The following UST variants were observed in gnomAD, a reference collection of about 807,000 sequenced individuals.
UST encodes the protein uronyl 2-sulfotransferase, also known as chondroitin sulfate 2-O-sulfotransferase.
In UST, 21 loss-of-function variants were observed where a neutral mutation model predicts 45.6. The ratio of observed to expected loss-of-function variants is 0.46; its 90% CI spans 0.33 to 0.66. UST has a LOEUF of 0.66. Ranked by LOEUF, UST falls within the 30% of genes least tolerant of loss-of-function variation. The pLI, the probability that UST is intolerant of heterozygous loss-of-function variation, is 0.02. For synonymous variants in UST, 215 were observed against 200.6 expected (o/e 1.07, Z -0.61); for missense variants, 463 against 512.4 (o/e 0.90, Z 0.93).
chr6:148,944,919 G>A (rs1044872654), intron 3 of UST, among the ~76,000 whole-genome samples: 4 of 152,178 alleles, frequency 2.6e-5, no homozygotes, highest in African/African-American at 7.2e-5. Context: ...GACATGGCAT[G>A]TGATTGCCAA....
At chr6:148,966,831 G>T (rs1289691061) in intron 5 of UST, among the ~76,000 whole-genome samples, 1 of 152,188 alleles carries the variant, frequency 6.6e-6, no homozygotes, top group Non-Finnish European at 1.5e-5. Flanking sequence ...CCACCTCCGG[G>T]GTTCAAGCGA....
chr6:149,017,630 T>A (rs1249947076), intron 5 of UST, among the ~76,000 whole-genome samples: 1 of 152,174 alleles, frequency 6.6e-6, no homozygotes, highest in African/African-American at 2.4e-5. Flanking sequence ...ATCCAAGACT[T>A]TTCAGGATAG....
At chr6:148,913,514 A>G (rs1453818893) in intron 2 of UST, among the ~76,000 whole-genome samples, 2 of 149,048 alleles carry the variant, frequency 1.3e-5, no homozygotes, top group Admixed American at 1.4e-4. Flanking sequence ...TTTACAAAAG[A>G]TAATTTCATT....
chr6:148,925,997 T>C (rs1207478707), intron 2 of UST, among the ~76,000 whole-genome samples: 7 of 152,196 alleles, frequency 4.6e-5, no homozygotes, highest in African/African-American at 1.7e-4. Flanking sequence ...AGTAGAGAAA[T>C]ATATTTATAA....
chr6:149,051,136 C>G (rs181147934), intron 7 of UST, among the ~76,000 whole-genome samples: 1 of 152,346 alleles, frequency 6.6e-6, no homozygotes, highest in African/African-American at 2.4e-5. Context: ...GGCCACAGAC[C>G]AGCATCGACC....
At chr6:148,952,137 C>G (rs897411208) in intron 3 of UST, among the ~76,000 whole-genome samples, 1 of 152,180 alleles carries the variant, frequency 6.6e-6, no homozygotes, top group Admixed American at 6.5e-5. Context: ...ATTAAACATA[C>G]ACACAGTCAA....
rs570791026 is a variant in UST, at chr6:148,775,300, G to T, written c.247+27623G>T. Among the ~76,000 whole-genome samples the T allele has an allele frequency of 1.1e-4, 16 of 152,192 alleles. No homozygotes were observed. The South Asian group carries it at 3.1e-3, about 30-fold the overall frequency. On this transcript the variant is annotated intron_variant, in intron 1 of 7. Transcript: ENST00000367463. ...AAAACATTGTCAGTTAAAAAAAAATGCCCACTCCAGTGCAGTGTCGCCCAG... is the reference window on the plus strand; with the variant it reads ...AAAACATTGTCAGTTAAAAAAAAATTCCCACTCCAGTGCAGTGTCGCCCAG...
chr6:148,834,218 A>G (rs1285093728), intron 1 of UST, among the ~76,000 whole-genome samples: 2 of 152,392 alleles, frequency 1.3e-5, no homozygotes, highest in African/African-American at 2.4e-5. Flanking sequence ...AAAGATAAAT[A>G]ACATCCAATG....
At chr6:148,891,368 A>G (rs1027956151) in intron 2 of UST, among the ~76,000 whole-genome samples, 3 of 152,212 alleles carry the variant, frequency 2.0e-5, no homozygotes, top group Non-Finnish European at 4.4e-5. Flanking sequence ...AACCCCATAG[A>G]TAAGGAGAGC....
At chr6:148,839,647 C>T (rs1211093691) in intron 1 of UST, among the ~76,000 whole-genome samples, 2 of 152,164 alleles carry the variant, frequency 1.3e-5, no homozygotes. Context: ...GAAGATTTTG[C>T]AACTACCAAT....
At chr6:148,861,282 C>A (rs754195223) in intron 1 of UST, among the ~76,000 whole-genome samples, 4 of 152,096 alleles carry the variant, frequency 2.6e-5, no homozygotes, top group Non-Finnish European at 4.4e-5. Context: ...AGTTTATTTG[C>A]GTAGAGGTGT....
intron 7 of UST, among the ~76,000 whole-genome samples, chr6:149,040,420 G>A (rs932308286): frequency 2.0e-5 from 3 of 152,112 alleles, no homozygotes; most frequent in Non-Finnish European, 2.9e-5. Flanking sequence ...CAGTTTGGGA[G>A]GCCGGGCGGG....
At chr6:149,001,746 C>A (rs1344057390) in intron 5 of UST, among the ~76,000 whole-genome samples, 1 of 151,996 alleles carries the variant, frequency 6.6e-6, no homozygotes, top group African/African-American at 2.4e-5. Flanking sequence ...GCATAAAAAG[C>A]AACAGTGAAC....
chr6:148,860,718 T>G (rs1226411913), intron 1 of UST, among the ~76,000 whole-genome samples: 4 of 152,188 alleles, frequency 2.6e-5, no homozygotes, highest in African/African-American at 9.7e-5. Context: ...GCTGTTGAAT[T>G]TTGTCGAAGG....
At chr6:149,015,564 A>G (rs1775885360) in intron 5 of UST, among the ~76,000 whole-genome samples, 1 of 152,212 alleles carries the variant, frequency 6.6e-6, no homozygotes, top group Non-Finnish European at 1.5e-5. Flanking sequence ...TGGCTTGGCT[A>G]AAGTCATCAA....
At chr6:149,010,806 T>C (rs1461084420) in intron 5 of UST, among the ~76,000 whole-genome samples, 2 of 144,804 alleles carry the variant, frequency 1.4e-5, no homozygotes, top group Non-Finnish European at 3.0e-5. Context: ...GGCAGGAGAA[T>C]CGCTTAATCT....
intron 2 of UST, among the ~76,000 whole-genome samples, chr6:148,923,634 C>T (rs750667095): frequency 5.3e-5 from 8 of 152,080 alleles, no homozygotes; most frequent in African/African-American, 1.9e-4. Flanking sequence ...TGGCTGGGTG[C>T]GGTGGCTCAT....
intron 5 of UST, among the ~76,000 whole-genome samples, chr6:148,968,375 G>A (rs967287716): frequency 2.6e-5 from 4 of 152,060 alleles, no homozygotes; most frequent in Admixed American, 6.5e-5. Context: ...ATTAGTGCTC[G>A]CATAGATGCA....
intron 2 of UST, among the ~76,000 whole-genome samples, chr6:148,919,665 T>A (rs948554086): frequency 6.6e-6 from 1 of 152,258 alleles, no homozygotes; most frequent in African/African-American, 2.4e-5. Context: ...TGAAAACTGT[T>A]ATTCAGTGCC....
Sources: allele counts gnomAD v4.1 joint callset (sites outside exome capture counted in the v4.1 genomes callset), GRCh38; gene constraint gnomAD v4.1.1; transcripts MANE v1.5; gene names NCBI Gene and HGNC (gene_info 2026-07-23, HGNC 2026-07-21).